DYNC2H1: variants seen among roughly 807,000 people sequenced by gnomAD.
The protein encoded by DYNC2H1 is dynein cytoplasmic 2 heavy chain 1.
Under a neutral mutation model 570.0 loss-of-function variants are expected in DYNC2H1, and 410 were observed. The ratio of observed to expected loss-of-function variants is 0.72; its 90% CI spans 0.66 to 0.78. The LOEUF is 0.78. DYNC2H1 is among the 30% of genes least tolerant of loss of function. The pLI is 0.00. For synonymous variants in DYNC2H1, 1,688 were observed against 1,677.6 expected (o/e 1.01, Z -0.15); for missense variants, 4,865 against 5,046.4 (o/e 0.96, Z 1.09).
chr11:103,219,367 A>AT (rs11442979), intron 55 of DYNC2H1, among the ~76,000 whole-genome samples: 141,875 of 152,208 alleles, frequency 0.93, 66,152 homozygotes, highest in African/African-American at 0.94. Flanking sequence ...TAATCCCAGC[A>AT]TTTTGGGAGG....
chr11:103,182,279 T>C (rs1454366975), intron 40 of DYNC2H1, among the ~76,000 whole-genome samples: 1 of 150,332 alleles, frequency 6.7e-6, no homozygotes, highest in Non-Finnish European at 1.5e-5. Flanking sequence ...TATACACCTA[T>C]ATATACACAC....
intron 17 of DYNC2H1, among the ~76,000 whole-genome samples, chr11:103,139,245 C>G (rs1003670014): frequency 1.3e-5 from 2 of 151,646 alleles, no homozygotes; most frequent in African/African-American, 2.4e-5. Flanking sequence ...TTATTTCTTG[C>G]CTTCTGCTAG....
intron 85 of DYNC2H1, among the ~76,000 whole-genome samples, chr11:103,447,843 T>C (rs1944478409): frequency 6.6e-6 from 1 of 152,188 alleles, no homozygotes; most frequent in African/African-American, 2.4e-5. Context: ...GATTTGAGTT[T>C]TGGGGTTTTT....
At chr11:103,161,650 G>T (rs929380128) in intron 29 of DYNC2H1, among the ~76,000 whole-genome samples, 1 of 152,006 alleles carries the variant, frequency 6.6e-6, no homozygotes, top group Non-Finnish European at 1.5e-5. Flanking sequence ...GAGATAATTG[G>T]CTTTAAGTAC....
Position 103,177,813 on chromosome 11 carries a change from A to G in DYNC2H1, c.6132A>G (p.Glu2044=). The G allele has an allele frequency of 6.2e-7, 1 of 1,609,292 alleles. No individual in the cohort carries two copies. The highest frequency in any genetic ancestry group is 8.5e-7 in the Non-Finnish European group (1 of 1,178,260). Residue 2044 remains glutamate (E), a synonymous_variant, in exon 38 of 89, where the codon GAA becomes GAG. Coordinates refer to ENST00000375735, the MANE Select transcript of DYNC2H1 (RefSeq NM_001377.3). The surrounding 1 kb of genome is among the most constrained non-coding windows in gnomAD (Gnocchi z 4.4). ...LTNSARQVVR[E]PQDVSSWIIC... ...ATAGTGCTCGTCAAGTGGTTCGGGA[A>G]CCTCAAGGTTAGTCTCTATGTATAC...
intron 85 of DYNC2H1, among the ~76,000 whole-genome samples, chr11:103,452,565 T>C (rs976934246): frequency 3.3e-5 from 5 of 151,904 alleles, no homozygotes; most frequent in African/African-American, 1.2e-4. Flanking sequence ...TAGAAAGAGA[T>C]ACAGACATGT....
Position 103,165,963 on chromosome 11 carries a change from T to G in DYNC2H1, c.4677T>G (p.Ser1559Arg). 6.6e-7 allele frequency: 1 copy of G among 1,524,702 alleles called. No homozygotes were observed. The highest frequency in any genetic ancestry group is 8.8e-7 in the Non-Finnish European group (1 of 1,135,024). 94.4% of individuals were successfully genotyped at this position (1,524,702 alleles called of 1,614,324 possible). A position where few individuals can be genotyped will look rare whatever the true frequency, so the allele number is the denominator to read the frequency against. The change falls in exon 31 of 89, where the codon AGT (serine) becomes AGG (arginine). Residue 1559 changes from serine (S) to arginine (R), a missense_variant. Physicochemically the swap from Ser to Arg is moderately radical, Grantham distance 110 (BLOSUM62 -1). This residue lies in a region of DYNC2H1 where 1,936 missense variants were observed against 1,962.1 expected (regional missense o/e 0.99). Transcript: ENST00000375735. ...TAGAAAATGCTATTAAAGATCATAGTCTTCATCAGATTGAAACACAACTGG... is the reference window on the plus strand; with the variant it reads ...TAGAAAATGCTATTAAAGATCATAGGCTTCATCAGATTGAAACACAACTGG... ...EDVENAIKDH[S>R]LHQIETQLVN...
chr11:103,231,416 C>G (rs1198385833), intron 60 of DYNC2H1, 70 bp downstream of exon 60: 1 of 1,015,866 alleles, frequency 9.8e-7, no homozygotes, highest in Non-Finnish European at 1.4e-6. Context: ...TGATTTCTTT[C>G]TTGTTTTGAC....
At chr11:103,257,242 A>G (rs1865092479) in intron 68 of DYNC2H1, among the ~76,000 whole-genome samples, 1 of 152,112 alleles carries the variant, frequency 6.6e-6, no homozygotes, top group South Asian at 2.1e-4. Flanking sequence ...ACCAGGAAAC[A>G]AGCTCTCACG....
At chr11:103,284,731 T>A (rs1247578589) in intron 73 of DYNC2H1, among the ~76,000 whole-genome samples, 1 of 150,950 alleles carries the variant, frequency 6.6e-6, no homozygotes, top group Non-Finnish European at 1.5e-5. Flanking sequence ...TATTTTTATA[T>A]GAATATAAAT....
At chr11:103,409,085 A>G (rs1942982538) in intron 84 of DYNC2H1, among the ~76,000 whole-genome samples, 1 of 152,042 alleles carries the variant, frequency 6.6e-6, no homozygotes, top group African/African-American at 2.4e-5. Flanking sequence ...GCTGTTGAAC[A>G]TATGTCACTG....
chr11:103,302,422 C>G (rs1867086506), intron 75 of DYNC2H1, among the ~76,000 whole-genome samples: 1 of 151,926 alleles, frequency 6.6e-6, no homozygotes, highest in Non-Finnish European at 1.5e-5. Flanking sequence ...TTGCTTTATC[C>G]TTGTTTTGCA....
intron 84 of DYNC2H1, among the ~76,000 whole-genome samples, chr11:103,417,011 C>G (rs554892681): frequency 6.6e-6 from 1 of 152,096 alleles, no homozygotes; most frequent in African/African-American, 2.4e-5. Flanking sequence ...ATGTGGCCAA[C>G]AAACTTATGA....
intron 31 of DYNC2H1, among the ~76,000 whole-genome samples, 166 bp downstream of exon 31, chr11:103,166,214 C>G (rs966630511): frequency 6.6e-6 from 1 of 152,044 alleles, no homozygotes; most frequent in African/African-American, 2.4e-5. Flanking sequence ...CAGTAATTTA[C>G]TAATTTAAAT....
chr11:103,121,068 G>T, intron 9 of DYNC2H1, 32 bp downstream of exon 9: 1 of 1,358,676 alleles, frequency 7.4e-7, no homozygotes, highest in South Asian at 1.6e-5. Flanking sequence ...GTGTTTGCTT[G>T]AGAGAATATT....
At position 103,161,011 on chromosome 11, in the gene DYNC2H1, T is replaced by A; in HGVS notation, c.4458T>A (p.Phe1486Leu). 1 of 1,539,750 alleles carries A rather than the reference T, an allele frequency of 6.5e-7. No individual in the cohort carries two copies. The highest frequency in any genetic ancestry group is 8.7e-7 in the Non-Finnish European group (1 of 1,147,410). ...CTTTAGAGGGAGAAGTTGTACCTTTTAAAAATAAAGTTCCTCTATCAAATA... is the reference window on the plus strand; with the variant it reads ...CTTTAGAGGGAGAAGTTGTACCTTTAAAAAATAAAGTTCCTCTATCAAATA... ...MKSLEGEVVPFKNKVPLSNNV... is the reference protein window; with the variant it reads ...MKSLEGEVVPLKNKVPLSNNV... Residue 1486 changes from phenylalanine to leucine, a missense_variant, in exon 29 of 89, where the codon TTT becomes TTA. Physicochemically the swap from Phe to Leu is conservative, Grantham distance 22 (BLOSUM62 0). This residue lies in a region of DYNC2H1 where 1,936 missense variants were observed against 1,962.1 expected (regional missense o/e 0.99). Transcript: ENST00000375735.
intron 47 of DYNC2H1, among the ~76,000 whole-genome samples, chr11:103,193,422 A>T (rs1862395482): frequency 6.6e-6 from 1 of 152,186 alleles, no homozygotes. Flanking sequence ...TGGGTGTCTG[A>T]ATCCTCTGAA....
intron 75 of DYNC2H1, 148 bp from the exon 76 acceptor site, chr11:103,302,943 GTA>G (rs1282919003): frequency 3.9e-6 from 2 of 509,050 alleles, no homozygotes; most frequent in African/African-American, 4.0e-5. Flanking sequence ...GCTATTACTA[GTA>G]TATTATTTTA....
intron 84 of DYNC2H1, among the ~76,000 whole-genome samples, chr11:103,413,299 C>A (rs971426622): frequency 3.3e-4 from 50 of 152,150 alleles, no homozygotes; most frequent in African/African-American, 1.2e-3. Flanking sequence ...GAAAGTTCTA[C>A]TCCAACTATT....
Sources: gnomAD v4.1 joint callset for allele counts (sites outside exome capture counted in the v4.1 genomes callset) on GRCh38, gnomAD v4.1.1 for gene constraint, gnomAD v4.1.1 regional missense constraint, Gnocchi (gnomAD v3.1) non-coding constraint, MANE v1.5 for transcripts, NCBI Gene and HGNC (gene_info 2026-07-23, HGNC 2026-07-21) for gene names.